The following MGAT4C variants were observed in gnomAD, a reference collection of about 807,000 sequenced individuals.
The protein encoded by MGAT4C is alpha-1,3-mannosyl-glycoprotein 4-beta-N-acetylglucosaminyltransferase C.
MGAT4C carries 19 observed loss-of-function variants against 40.1 expected under a neutral mutation model. The observed-to-expected ratio is 0.47, with a 90% CI of 0.33 to 0.70. The LOEUF is 0.70. Among genes scored for constraint, MGAT4C ranks in the 30% least tolerant of loss-of-function variants. The pLI, the probability that MGAT4C is intolerant of heterozygous loss-of-function variation, is 0.02. For synonymous variants in MGAT4C, 181 were observed against 187.1 expected, an observed-to-expected ratio of 0.97 and a Z score of 0.27; for missense variants, 491 against 563.2, an observed-to-expected ratio of 0.87 and a Z score of 1.30.
At chr12:86,706,931 T>C (rs193253044) in intron 2 of MGAT4C, among the ~76,000 whole-genome samples, 6 of 152,244 alleles carry the variant, frequency 3.9e-5, no homozygotes, top group Admixed American at 1.3e-4. Context: ...ATAAGTCTCA[T>C]GAGATGTCAT....
At position 86,341,866 on chromosome 12, in the gene MGAT4C, CG is replaced by C. The variant is rs561894147; in HGVS notation, c.-119-7740del. Among the ~76,000 whole-genome samples the C allele has an allele frequency of 2.3e-3, 353 of 152,258 alleles. 1 individual carries two copies. The highest frequency in any genetic ancestry group is 7.9e-3 in the African/African-American group (327 of 41,570). On this transcript the variant is annotated intron_variant, in intron 3 of 7. Coordinates refer to the MGAT4C transcript ENST00000548651. ...ATCAGACATCTGAATTGCCCTAGGA[CG>C]GCACTCCTAGAGGAGAAGGTAGGTC...
intron 4 of MGAT4C, among the ~76,000 whole-genome samples, chr12:86,302,952 A>T (rs1400434690): frequency 6.6e-6 from 1 of 150,664 alleles, no homozygotes. Flanking sequence ...ACCTTGAGGA[A>T]AGGAATTCAG....
chr12:86,265,082 C>G (rs946930426), intron 4 of MGAT4C, among the ~76,000 whole-genome samples: 1 of 152,152 alleles, frequency 6.6e-6, no homozygotes, highest in South Asian at 2.1e-4. Context: ...GGCACCCGTG[C>G]GGGCACCTGG....
chr12:86,164,482 G>T (rs114281085), intron 1 of MGAT4C, among the ~76,000 whole-genome samples: 1 of 152,138 alleles, frequency 6.6e-6, no homozygotes, highest in Non-Finnish European at 1.5e-5. Flanking sequence ...GCAATAACAC[G>T]TACATAAGAT....
intron 2 of MGAT4C, among the ~76,000 whole-genome samples, chr12:86,528,342 C>CT (rs1958919603): frequency 6.6e-6 from 1 of 152,036 alleles, no homozygotes; most frequent in Admixed American, 6.6e-5. Context: ...CAGTTTCACT[C>CT]TATTTCTCAG....
chr12:86,009,624 T>A (rs1055452990), intron 2 of MGAT4C, among the ~76,000 whole-genome samples: 2 of 152,196 alleles, frequency 1.3e-5, no homozygotes, highest in African/African-American at 4.8e-5. Flanking sequence ...TTGTTCTGCC[T>A]CTTTTATAAT....
chr12:86,431,244 T>C (rs1242135181), intron 3 of MGAT4C, among the ~76,000 whole-genome samples: 1 of 151,332 alleles, frequency 6.6e-6, no homozygotes, highest in African/African-American at 2.4e-5. Flanking sequence ...AACACAGTGG[T>C]CCCACCAAGA....
intron 2 of MGAT4C, among the ~76,000 whole-genome samples, chr12:86,624,469 T>C (rs2136493641): frequency 6.6e-6 from 1 of 152,314 alleles, no homozygotes; most frequent in East Asian, 1.9e-4. Flanking sequence ...CTTATTGGCT[T>C]AAAGCATTTA....
intron 1 of MGAT4C, among the ~76,000 whole-genome samples, chr12:86,092,912 T>C (rs1873142952): frequency 6.6e-6 from 1 of 152,084 alleles, no homozygotes; most frequent in African/African-American, 2.4e-5. Flanking sequence ...ACGTGCAGGT[T>C]TGTTACATAC....
At chr12:86,553,690 T>A (rs1959472346) in intron 2 of MGAT4C, among the ~76,000 whole-genome samples, 1 of 152,084 alleles carries the variant, frequency 6.6e-6, no homozygotes, top group Non-Finnish European at 1.5e-5. Context: ...TTTTTTCTCT[T>A]CCCATATAGC....
intron 1 of MGAT4C, among the ~76,000 whole-genome samples, chr12:86,226,129 A>G (rs981356895): frequency 1.3e-5 from 2 of 151,474 alleles, no homozygotes; most frequent in Admixed American, 6.6e-5. Context: ...AAAAAAAAAA[A>G]CATGTGCAGT....
chr12:86,103,634 T>A (rs1325729356), intron 1 of MGAT4C, among the ~76,000 whole-genome samples: 1 of 152,148 alleles, frequency 6.6e-6, no homozygotes, highest in Non-Finnish European at 1.5e-5. Flanking sequence ...ACATCCTTTT[T>A]GTTTTTTTCT....
intron 2 of MGAT4C, among the ~76,000 whole-genome samples, chr12:85,991,471 C>T (rs1240425585): frequency 6.6e-6 from 1 of 150,876 alleles, no homozygotes; most frequent in Admixed American, 6.6e-5. Flanking sequence ...CCACCCCCTT[C>T]CCCCCAGAAG....
chr12:86,558,122 A>G (rs1292405663), intron 2 of MGAT4C, among the ~76,000 whole-genome samples: 2 of 152,098 alleles, frequency 1.3e-5, no homozygotes, highest in African/African-American at 2.4e-5. Flanking sequence ...CAATCACAAA[A>G]AAATTCTGAA....
intron 2 of MGAT4C, among the ~76,000 whole-genome samples, chr12:86,570,800 A>G (rs1367442757): frequency 4.6e-5 from 7 of 151,994 alleles, no homozygotes; most frequent in African/African-American, 1.7e-4. Flanking sequence ...TTATTTACTT[A>G]ATATTTTCTT....
chr12:86,278,111 C>T (rs1320111054), intron 4 of MGAT4C, among the ~76,000 whole-genome samples: 2 of 140,218 alleles, frequency 1.4e-5, no homozygotes, highest in African/African-American at 5.3e-5. Context: ...TTTTTCACTT[C>T]TTTGGTTAAT....
intron 1 of MGAT4C, among the ~76,000 whole-genome samples, chr12:86,783,075 AATTTT>A (rs1263664270): frequency 6.6e-6 from 1 of 152,194 alleles, no homozygotes; most frequent in African/African-American, 2.4e-5. Context: ...CATCAGTTAT[AATTTT>A]AAGAAAAATG....
Position 86,119,055 on chromosome 12 carries a change from G to C in MGAT4C, c.-56-69332C>G, listed in dbSNP as rs1878915646. Among the ~76,000 whole-genome samples, 2 of 151,932 alleles carry C rather than the reference G, an allele frequency of 1.3e-5. 1 individual carries two copies. The highest frequency in any genetic ancestry group is 2.9e-5 in the Non-Finnish European group (2 of 67,988). ...ACATTAAAAAATCACATTAACAGTA[G>C]AACTCAAGAGAGCCTAATTTATACA... On this transcript the variant is annotated intron_variant, in intron 1 of 4. Coordinates refer to ENST00000611864, the MANE Select transcript of MGAT4C (RefSeq NM_001351288.2).
chr12:86,570,305 T>A (rs1356116822), intron 2 of MGAT4C, among the ~76,000 whole-genome samples: 1 of 47,766 alleles, frequency 2.1e-5, no homozygotes, highest in East Asian at 2.5e-3. Context: ...CACAAATATA[T>A]AATATTTGTC....
Sources: allele counts gnomAD v4.1 joint callset (sites outside exome capture counted in the v4.1 genomes callset), GRCh38; gene constraint gnomAD v4.1.1; transcripts MANE v1.5; gene names NCBI Gene and HGNC (gene_info 2026-07-23, HGNC 2026-07-21).